PLA2G4C: variants seen among roughly 807,000 people sequenced by gnomAD.
PLA2G4C encodes cytosolic phospholipase A2 gamma.
In PLA2G4C, 64 loss-of-function variants were observed where a neutral mutation model predicts 73.8. The ratio of observed to expected loss-of-function variants is 0.87; its 90% CI spans 0.71 to 1.07. The LOEUF (loss-of-function observed/expected upper bound fraction) is 1.07, where lower values mean the gene tolerates loss of function less well. Among genes scored for constraint, PLA2G4C ranks in the 50% least tolerant of loss-of-function variants. The pLI is 0.00. For missense variants in PLA2G4C, 622 were observed against 665.4 expected (o/e 0.93, Z 0.72); for synonymous variants, 254 against 252.1 (o/e 1.01, Z -0.07).
At chr19:48,076,809 C>T (rs1269076171) in intron 11 of PLA2G4C, among the ~76,000 whole-genome samples, 1 of 152,006 alleles carries the variant, frequency 6.6e-6, no homozygotes, top group East Asian at 1.9e-4. Flanking sequence ...ATGCCTAAGT[C>T]CCCACATGGA....
chr19:48,107,918 G>C (rs2032312417), intron 1 of PLA2G4C, among the ~76,000 whole-genome samples: 2 of 152,120 alleles, frequency 1.3e-5, no homozygotes, highest in South Asian at 4.1e-4. Context: ...ACCTAACATA[G>C]AAGGGCTCCC....
chr19:48,057,483 C>CTT (rs1171271257), intron 14 of PLA2G4C, among the ~76,000 whole-genome samples: 24 of 17,926 alleles, frequency 1.3e-3, no homozygotes, highest in Admixed American at 2.4e-3. Flanking sequence ...TCTTCTTCTT[C>CTT]TTTTTTTTTT....
At chr19:48,061,740 C>T (rs746714489) in intron 14 of PLA2G4C, 13 of 455,036 alleles carry the variant, frequency 2.9e-5, no homozygotes, top group East Asian at 1.9e-4. Flanking sequence ...GCAGGCAGGA[C>T]GCAGAAGCGG....
chr19:48,085,889 A>G (rs11564584), intron 9 of PLA2G4C, among the ~76,000 whole-genome samples: 10,541 of 152,202 alleles, frequency 0.069, 540 homozygotes, highest in East Asian at 0.23. Flanking sequence ...TTCGTGGAAT[A>G]TAAGTAGGAG....
rs548688675 is a variant in PLA2G4C at position 48,098,713 on chromosome 19, TAAAAAA to T, written c.448-460_448-455del. 1.8e-3 allele frequency among the ~76,000 whole-genome samples: 57 copies of T among 30,886 alleles called. 1 individual carries two copies. Among genetic ancestry groups the T allele is most frequent in the Non-Finnish European group, 2.8e-3 (47 of 16,858 alleles). 20.3% of individuals were successfully genotyped at this position (30,886 alleles called of 152,430 possible). Reference sequence around the variant, plus strand: ...GAGCAAAAAAGCGAAACCCTATCTCTAAAAAAAAAAAAAAAAAAAAAAAAAAAAAAA... The same window carrying T: ...GAGCAAAAAAGCGAAACCCTATCTCTAAAAAAAAAAAAAAAAAAAAAAAAA... On this transcript the variant is annotated intron_variant, in intron 5 of 16. Coordinates refer to ENST00000599921, the MANE Select transcript of PLA2G4C (RefSeq NM_003706.3).
chr19:48,097,612 G>T (rs1353267239), intron 6 of PLA2G4C, among the ~76,000 whole-genome samples: 2 of 151,244 alleles, frequency 1.3e-5, no homozygotes, highest in African/African-American at 4.9e-5. Context: ...TTTTTGGGGG[G>T]ACAGGGTCTC....
intron 12 of PLA2G4C, among the ~76,000 whole-genome samples, chr19:48,068,303 C>CAAAA (rs71181639): frequency 1.3e-5 from 1 of 76,070 alleles, no homozygotes. Context: ...GACTCCATCT[C>CAAAA]AAAAAAAAAA....
chr19:48,055,885 A>T lies in PLA2G4C; in HGVS notation c.1258-836T>A, dbSNP rs180742647. Among the ~76,000 whole-genome samples, 6 of 152,142 alleles carry T rather than the reference A, an allele frequency of 3.9e-5. No homozygotes were observed. The East Asian group carries it at 5.8e-4, about 15-fold the overall frequency. On this transcript the variant is annotated intron_variant, in intron 14 of 16. Transcript: ENST00000599921. Reference sequence around the variant, plus strand: ...GTGATCCGCTCGTCTCAGTCTCCCAAAGTGCTGGGATTACAGGCATGAGCC... The same window carrying T: ...GTGATCCGCTCGTCTCAGTCTCCCATAGTGCTGGGATTACAGGCATGAGCC...
chr19:48,077,733 A>C (rs749102816), intron 11 of PLA2G4C, 38 bp downstream of exon 11: 1 of 1,494,904 alleles, frequency 6.7e-7, no homozygotes, highest in African/African-American at 1.4e-5. Context: ...TGCAGTCCAC[A>C]CTATCATTAG....
chr19:48,079,530 C>T (rs984129942), intron 10 of PLA2G4C, among the ~76,000 whole-genome samples: 3 of 152,094 alleles, frequency 2.0e-5, no homozygotes, highest in African/African-American at 7.2e-5. Context: ...CTCACAAATT[C>T]AATGTGAATT....
chr19:48,068,731 TA>T (rs532183992), intron 12 of PLA2G4C, among the ~76,000 whole-genome samples: 10,455 of 97,694 alleles, frequency 0.11, 355 homozygotes, highest in Non-Finnish European at 0.12. Context: ...ACCTTGTATC[TA>T]AAAAAAAAAA....
chr19:48,082,758 C>A (rs2030674106), intron 10 of PLA2G4C, among the ~76,000 whole-genome samples: 1 of 151,296 alleles, frequency 6.6e-6, no homozygotes, highest in Non-Finnish European at 1.5e-5. Context: ...CTCAACCTCC[C>A]AAAGTGCTGG....
chr19:48,110,214 T>C (rs962928209), intron 1 of PLA2G4C, among the ~76,000 whole-genome samples: 1 of 151,070 alleles, frequency 6.6e-6, no homozygotes, highest in Non-Finnish European at 1.5e-5. Context: ...GGTGTGGTGG[T>C]GTGCGCCTGT....
rs34388817 is a variant in PLA2G4C, at chr19:48,080,993, C to CAA, written c.845-3171_845-3170dup. On this transcript the variant is annotated intron_variant, in intron 10 of 16. Coordinates refer to ENST00000599921, the MANE Select transcript of PLA2G4C (RefSeq NM_003706.3). ...CTAACACCGGTCTCTACTAAAAATA[C>CAA]AAAAAAAAAAAAAAAAAAAAAATTA... Among the ~76,000 whole-genome samples, 535 of 102,812 alleles carry CAA rather than the reference C, an allele frequency of 5.2e-3. 3 individuals carry two copies. The highest frequency in any genetic ancestry group is 7.2e-3 in the South Asian group (21 of 2,914). 67.4% of individuals were successfully genotyped at this position (102,812 alleles called of 152,430 possible).
At chr19:48,081,241 C>CA (rs1447274743) in intron 10 of PLA2G4C, among the ~76,000 whole-genome samples, 13 of 151,450 alleles carry the variant, frequency 8.6e-5, no homozygotes, top group African/African-American at 3.2e-4. Context: ...ATATAAACAC[C>CA]ATGGAATATG....
chr19:48,061,189 G>T (rs1012410403), intron 14 of PLA2G4C, among the ~76,000 whole-genome samples: 1 of 151,660 alleles, frequency 6.6e-6, no homozygotes, highest in African/African-American at 2.4e-5. Context: ...TTGGGAGGGT[G>T]AGGTGGGAGG....
At chr19:48,058,484 T>C (rs1331089270) in intron 14 of PLA2G4C, among the ~76,000 whole-genome samples, 2 of 152,160 alleles carry the variant, frequency 1.3e-5, no homozygotes, top group Admixed American at 6.5e-5. Context: ...GCTTCATACC[T>C]GTATTACAGA....
intron 16 of PLA2G4C, chr19:48,052,040 C>T (rs1292478452): frequency 6.6e-6 from 1 of 151,914 alleles, no homozygotes; most frequent in Non-Finnish European, 1.5e-5. Context: ...CTACCACACC[C>T]AGCTAATTTT....
chr19:48,065,895 A>G (rs989945374), intron 13 of PLA2G4C, among the ~76,000 whole-genome samples: 3 of 152,000 alleles, frequency 2.0e-5, no homozygotes, highest in Non-Finnish European at 4.4e-5. Flanking sequence ...GGAGTTTGAG[A>G]CCAGCCTGAC....
Sources: gnomAD v4.1 joint callset for allele counts (sites outside exome capture counted in the v4.1 genomes callset) on GRCh38, gnomAD v4.1.1 for gene constraint, MANE v1.5 for transcripts, NCBI Gene and HGNC (gene_info 2026-07-23, HGNC 2026-07-21) for gene names.